NAA60: variants seen among roughly 807,000 people sequenced by gnomAD.
The protein encoded by NAA60 is N-alpha-acetyltransferase 60.
In NAA60, 8 loss-of-function variants were observed where a neutral mutation model predicts 26.1. That is an observed-to-expected ratio of 0.31 (90% CI 0.18 to 0.55). NAA60 has a LOEUF of 0.55. Among genes scored for constraint, NAA60 ranks in the 20% least tolerant of loss-of-function variants. The pLI, the probability that NAA60 is intolerant of heterozygous loss-of-function variation, is 0.93. For missense variants in NAA60, 290 were observed against 311.3 expected (o/e 0.93, Z 0.51); for synonymous variants, 131 against 122.5 (o/e 1.07, Z -0.46).
intron 2 of NAA60, among the ~76,000 whole-genome samples, chr16:3,468,441 G>A (rs1283844832): frequency 6.6e-6 from 1 of 152,174 alleles, no homozygotes; most frequent in South Asian, 2.1e-4. Context: ...TGATCAGGGG[G>A]CTCAGCTTGG....
At chr16:3,485,268 C>T (rs746916137) in intron 7 of NAA60, 199 bp from the exon 8 acceptor site, 8 of 616,974 alleles carry the variant, frequency 1.3e-5, no homozygotes, top group East Asian at 1.0e-4. Context: ...GCTGTGCACC[C>T]GACTTTGGAT....
chr16:3,475,551 C>G (rs2036427258), intron 2 of NAA60, among the ~76,000 whole-genome samples: 1 of 152,214 alleles, frequency 6.6e-6, no homozygotes, highest in South Asian at 2.1e-4. Context: ...GGCTGCTCCT[C>G]CCGCCCCTGG....
chr16:3,444,454 A>T (rs2034468668), intron 1 of NAA60, among the ~76,000 whole-genome samples: 1 of 152,202 alleles, frequency 6.6e-6, no homozygotes, highest in South Asian at 2.1e-4. Flanking sequence ...TTTGGGGAAA[A>T]AAAAAGACGA....
chr16:3,460,890 C>T (rs1172715727), intron 2 of NAA60, among the ~76,000 whole-genome samples: 2 of 152,114 alleles, frequency 1.3e-5, no homozygotes, highest in Non-Finnish European at 2.9e-5. Context: ...AAGAATGATC[C>T]AGGATCAGGA....
At chr16:3,448,268 T>C (rs1224814572) in intron 1 of NAA60, among the ~76,000 whole-genome samples, 1 of 98,952 alleles carries the variant, frequency 1.0e-5, no homozygotes, top group African/African-American at 4.5e-5. Context: ...AGCAAGACCT[T>C]GTCTCAAAAA....
Position 3,482,610 on chromosome 16 carries a change from C to CG in NAA60, c.337+15dup, listed in dbSNP as rs758806178. ...GAAGCACGGCATAGGTAAGGGCAGC[C>CG]GGGCCCGCGGCTTGGCGCCCACCCC... is the stretch of plus-strand genomic sequence containing the variant. On this transcript the variant is annotated intron_variant, in intron 5 of 7. Coordinates refer to ENST00000407558, the MANE Select transcript of NAA60 (RefSeq NM_001083601.3). 2 of 1,580,654 alleles carry CG rather than the reference C, an allele frequency of 1.3e-6. No individual in the cohort carries two copies. Among genetic ancestry groups the CG allele is most frequent in the Non-Finnish European group, 1.7e-6 (2 of 1,163,128 alleles).
intron 2 of NAA60, among the ~76,000 whole-genome samples, chr16:3,468,904 C>T (rs1448462861): frequency 6.6e-6 from 1 of 152,094 alleles, no homozygotes; most frequent in Non-Finnish European, 1.5e-5. Context: ...CCTGACAAGG[C>T]CAACAACCTT....
intron 2 of NAA60, among the ~76,000 whole-genome samples, chr16:3,459,784 T>C (rs1324926568): frequency 6.6e-6 from 1 of 152,196 alleles, no homozygotes; most frequent in African/African-American, 2.4e-5. Flanking sequence ...CCGTCCTATC[T>C]TTAGCCTCTC....
intron 2 of NAA60, among the ~76,000 whole-genome samples, chr16:3,459,075 AT>A (rs1328860288): frequency 3.3e-5 from 5 of 152,290 alleles, no homozygotes; most frequent in Non-Finnish European, 5.9e-5. Flanking sequence ...TGTGTCACTC[AT>A]TTATCTTGAA....
At chr16:3,482,768 C>A (rs2036927745) in intron 5 of NAA60, 170 bp downstream of exon 5, 1 of 630,302 alleles carries the variant, frequency 1.6e-6, no homozygotes, top group Non-Finnish European at 2.9e-6. Flanking sequence ...CCTTCATCAT[C>A]CCTCCCCTGC....
chr16:3,475,335 C>T (rs1285453890), intron 2 of NAA60, among the ~76,000 whole-genome samples: 3 of 152,158 alleles, frequency 2.0e-5, no homozygotes, highest in African/African-American at 4.8e-5. Context: ...GGCAGTCCAC[C>T]CACCTTGGCC....
chr16:3,448,633 A>G (rs1400153238), intron 2 of NAA60, 93 bp downstream of exon 2: 1 of 1,043,180 alleles, frequency 9.6e-7, no homozygotes, highest in Non-Finnish European at 1.4e-6. Flanking sequence ...CCTGTCAAGT[A>G]TTAAATATTC....
At chr16:3,456,462 C>G (rs12444354) in intron 2 of NAA60, among the ~76,000 whole-genome samples, 9,564 of 152,014 alleles carry the variant, frequency 0.063, 375 homozygotes, top group Middle Eastern at 0.088. Flanking sequence ...TTAACCCCAT[C>G]TTTTATTTTG....
rs1159791195 is a variant in NAA60, at chr16:3,485,494, G to C, written c.*234G>C. ...TCTTCAGCTCCCCTCCCTGCTTCTG[G>C]AAACCTCTGCCTGCTGCCCTGGCCC... On this transcript the variant is annotated 3_prime_UTR_variant, in exon 8 of 8. Coordinates refer to ENST00000407558, the MANE Select transcript of NAA60 (RefSeq NM_001083601.3). 1 of 456,614 alleles carries C rather than the reference G, an allele frequency of 2.2e-6. No individual in the cohort carries two copies. Among genetic ancestry groups the C allele is most frequent in the African/African-American group, 2.0e-5 (1 of 50,050 alleles). The allele number at this position is 456,614 out of a possible 1,614,324, so 28.3% of individuals were successfully genotyped here.
At chr16:3,449,650 A>C (rs1479917390) in intron 2 of NAA60, among the ~76,000 whole-genome samples, 1 of 152,084 alleles carries the variant, frequency 6.6e-6, no homozygotes, top group Non-Finnish European at 1.5e-5. Flanking sequence ...GCACCACTGC[A>C]CTCCAGCCTG....
rs771254231 is a variant in NAA60, at chr16:3,460,945, A to G, written c.-7+12405A>G. 3.0e-4 allele frequency among the ~76,000 whole-genome samples: 46 copies of G among 152,104 alleles called. 1 individual carries two copies. Among genetic ancestry groups the G allele is most frequent in the Non-Finnish European group, 1.5e-5 (1 of 68,030 alleles). ...TATTTTGATATGTATGTATGTATAT[A>G]TGTTTAGTGACGGAGTCTTGCTGTA... On this transcript the variant is annotated intron_variant, in intron 2 of 7. Coordinates refer to ENST00000407558, the MANE Select transcript of NAA60 (RefSeq NM_001083601.3).
intron 2 of NAA60, among the ~76,000 whole-genome samples, chr16:3,457,319 T>C (rs762691144): frequency 6.6e-6 from 1 of 152,150 alleles, no homozygotes; most frequent in Non-Finnish European, 1.5e-5. Flanking sequence ...TGTTTTTTAA[T>C]TAGCCAGGCA....
intron 2 of NAA60, chr16:3,457,958 G>A (rs939663290): frequency 2.8e-4 from 280 of 984,444 alleles, no homozygotes; most frequent in Non-Finnish European, 3.3e-4. Flanking sequence ...CGGCCTCAGG[G>A]GGCGGGGCCA....
At chr16:3,475,690 G>A (rs2036434810) in intron 2 of NAA60, among the ~76,000 whole-genome samples, 1 of 152,136 alleles carries the variant, frequency 6.6e-6, no homozygotes, top group Non-Finnish European at 1.5e-5. Context: ...AGGAGAAATT[G>A]GGGTGTGACC....
Sources: allele counts gnomAD v4.1 joint callset (sites outside exome capture counted in the v4.1 genomes callset), GRCh38; gene constraint gnomAD v4.1.1; transcripts MANE v1.5; gene names NCBI Gene and HGNC (gene_info 2026-07-23, HGNC 2026-07-21).